The following TMEM117 variants were observed in gnomAD, a reference collection of about 807,000 sequenced individuals.
The protein encoded by TMEM117 is transmembrane protein 117.
In TMEM117, 27 loss-of-function variants were observed where a neutral mutation model predicts 52.4. The ratio of observed to expected loss-of-function variants is 0.51; its 90% confidence interval spans 0.38 to 0.71. The LOEUF (loss-of-function observed/expected upper bound fraction) is 0.71. TMEM117 is among the 30% of genes least tolerant of loss of function. TMEM117 has a pLI of 0.00. For synonymous variants in TMEM117, 215 were observed against 206.3 expected (o/e 1.04, Z -0.36); for missense variants, 556 against 630.5 (o/e 0.88, Z 1.26).
chr12:44,289,794 C>T (rs1403067890), intron 5 of TMEM117, among the ~76,000 whole-genome samples: 2 of 151,962 alleles, frequency 1.3e-5, no homozygotes, highest in Non-Finnish European at 2.9e-5. Context: ...CTGATCCGCC[C>T]GCCTCAGCTT....
At chr12:44,027,132 A>ATATTT (rs781312092) in intron 3 of TMEM117, among the ~76,000 whole-genome samples, 7,005 of 103,898 alleles carry the variant, frequency 0.067, 298 homozygotes, top group Non-Finnish European at 0.08. Flanking sequence ...ATTTTATTTT[A>ATATTT]TATTTTATTT....
At chr12:44,344,416 A>T (rs1031245927) in intron 6 of TMEM117, among the ~76,000 whole-genome samples, 1 of 152,062 alleles carries the variant, frequency 6.6e-6, no homozygotes, top group South Asian at 2.1e-4. Context: ...TCATATTTGT[A>T]ATACCTTTTG....
At chr12:44,264,919 T>C (rs781636634) in intron 5 of TMEM117, among the ~76,000 whole-genome samples, 1 of 152,166 alleles carries the variant, frequency 6.6e-6, no homozygotes, top group East Asian at 1.9e-4. Context: ...ATGAATTATG[T>C]ACAGATATTA....
chr12:44,284,811 T>C (rs1392432661), intron 5 of TMEM117, among the ~76,000 whole-genome samples: 1 of 98,810 alleles, frequency 1.0e-5, no homozygotes, highest in Non-Finnish European at 1.8e-5. Context: ...CTACTAGGTA[T>C]TTTTTTTCTA....
At chr12:43,797,982 T>C in the TMEM117 span, 3 of 779,346 alleles carry the variant, frequency 3.8e-6, no homozygotes, top group African/African-American at 5.3e-5. Context: ...ACGGTCCTGC[T>C]AGCATTTTGT....
chr12:44,050,875 T>G (rs1021719231), intron 3 of TMEM117, among the ~76,000 whole-genome samples: 1 of 152,216 alleles, frequency 6.6e-6, no homozygotes, highest in Non-Finnish European at 1.5e-5. Flanking sequence ...CCCAAGGACA[T>G]GCAAGGGCAA....
In TMEM117 at chr12:43,875,403, A is replaced by G. The variant is rs554501827; in HGVS notation, c.277+30475A>G. Among the ~76,000 whole-genome samples the G allele has an allele frequency of 2.6e-5, 4 of 152,286 alleles. No homozygotes were observed. The South Asian group carries it at 6.2e-4, about 24-fold the overall frequency. ...GCTCAGAACGCTGAAGCAGGTTTAC[A>G]TGATATATTTTTATTTTATTTTTTT... On this transcript the variant is annotated intron_variant, in intron 2 of 7. Coordinates refer to ENST00000266534, the MANE Select transcript of TMEM117 (RefSeq NM_032256.3).
the TMEM117 span, among the ~76,000 whole-genome samples, chr12:43,830,702 T>C: frequency 6.6e-6 from 1 of 152,160 alleles, no homozygotes; most frequent in Admixed American, 6.5e-5. Flanking sequence ...CCAGTTCTTT[T>C]AGTAAAAAAC....
At chr12:44,013,360 G>A (rs1946325867) in intron 3 of TMEM117, among the ~76,000 whole-genome samples, 1 of 152,054 alleles carries the variant, frequency 6.6e-6, no homozygotes, top group South Asian at 2.1e-4. Flanking sequence ...TTGTGGCCCT[G>A]GGCTCTGAAC....
intron 4 of TMEM117, among the ~76,000 whole-genome samples, chr12:44,180,390 A>ATG (rs572310297): frequency 6.3e-4 from 96 of 151,304 alleles, no homozygotes; most frequent in African/African-American, 2.2e-3. Context: ...TTTAGGGTAC[A>ATG]TGTGCACATT....
At chr12:43,919,942 A>G (rs1944664379) in intron 2 of TMEM117, among the ~76,000 whole-genome samples, 1 of 151,656 alleles carries the variant, frequency 6.6e-6, no homozygotes, top group African/African-American at 2.4e-5. Flanking sequence ...TCGTATTTAT[A>G]TCTCTAGGTC....
chr12:43,880,178 A>G (rs2137448337), intron 2 of TMEM117, among the ~76,000 whole-genome samples: 1 of 152,276 alleles, frequency 6.6e-6, no homozygotes, highest in East Asian at 1.9e-4. Flanking sequence ...ATTTATGAAG[A>G]TCAAATAGGA....
chr12:44,046,783 C>A (rs904014347), intron 3 of TMEM117, among the ~76,000 whole-genome samples: 4 of 152,014 alleles, frequency 2.6e-5, no homozygotes, highest in Admixed American at 2.6e-4. Flanking sequence ...ATTTTATTTC[C>A]TTTTCCTTTA....
chr12:43,796,827 T>C, the TMEM117 span: 127,494 of 768,710 alleles, frequency 0.17, 12,746 homozygotes, highest in African/African-American at 0.38. Flanking sequence ...GACAGGTAGT[T>C]CCCAGGCACT....
intron 3 of TMEM117, among the ~76,000 whole-genome samples, chr12:43,984,644 TGTA>T (rs1441041763): frequency 6.6e-6 from 1 of 152,206 alleles, no homozygotes; most frequent in African/African-American, 2.4e-5. Flanking sequence ...GATAGACCCT[TGTA>T]GGAACCAATA....
In TMEM117 at chr12:44,298,661, G is replaced by T. The variant is rs1046824792; in HGVS notation, c.609-919G>T. On this transcript the variant is annotated intron_variant, in intron 5 of 7. Transcript: ENST00000266534. ...GTGTATACTTATGCAAGATTTTATG[G>T]GGGCTACAAAGATAGATAAGAGAAA... Among the ~76,000 whole-genome samples, 22 of 150,730 alleles carry T rather than the reference G, an allele frequency of 1.5e-4. 2 individuals are homozygous for T. Among genetic ancestry groups the T allele is most frequent in the African/African-American group, 4.2e-4 (17 of 40,106 alleles).
chr12:44,033,589 C>T (rs1000824056), intron 3 of TMEM117, among the ~76,000 whole-genome samples: 10 of 152,130 alleles, frequency 6.6e-5, no homozygotes, highest in South Asian at 2.1e-4. Flanking sequence ...ATAAGAGGTC[C>T]AGGATTATGG....
intron 4 of TMEM117, among the ~76,000 whole-genome samples, chr12:44,179,251 G>T (rs1198531147): frequency 6.6e-6 from 1 of 151,958 alleles, no homozygotes; most frequent in Non-Finnish European, 1.5e-5. Context: ...TTATTAGAGA[G>T]AATTGGCTTA....
chr12:44,317,486 C>A (rs887596179), intron 6 of TMEM117, among the ~76,000 whole-genome samples: 5 of 151,936 alleles, frequency 3.3e-5, no homozygotes, highest in Non-Finnish European at 1.5e-5. Flanking sequence ...CCTCTGCCTC[C>A]AGGGTTCAAG....
Sources: gnomAD v4.1 joint callset for allele counts (sites outside exome capture counted in the v4.1 genomes callset) on GRCh38, gnomAD v4.1.1 for gene constraint, MANE v1.5 for transcripts, NCBI Gene and HGNC (gene_info 2026-07-23, HGNC 2026-07-21) for gene names.